The following SPATA6 variants were observed in gnomAD, a reference collection of about 807,000 sequenced individuals.
SPATA6 encodes spermatogenesis-associated protein 6.
In SPATA6, 56 loss-of-function variants were observed where a neutral mutation model predicts 65.3. That is an observed-to-expected ratio of 0.86 (90% CI 0.69 to 1.07). SPATA6 has a LOEUF of 1.07. SPATA6 is among the 50% of genes least tolerant of loss of function. The pLI is 0.00. For missense variants in SPATA6, 590 were observed against 594.8 expected, an observed-to-expected ratio of 0.99 and a Z score of 0.08; for synonymous variants, 199 against 213.2, an observed-to-expected ratio of 0.93 and a Z score of 0.58.
chr1:48,369,126 T>C (rs1483999741), intron 9 of SPATA6, among the ~76,000 whole-genome samples: 3 of 152,190 alleles, frequency 2.0e-5, no homozygotes. Context: ...GAACCGCGAA[T>C]GCTGCTGCCT....
chr1:48,372,431 G>C (rs1647385164), intron 9 of SPATA6, among the ~76,000 whole-genome samples: 2 of 152,190 alleles, frequency 1.3e-5, no homozygotes, highest in Admixed American at 6.5e-5. Context: ...TGCAAGATGT[G>C]GGTTCCCATG....
At chr1:48,428,870 CGTGTGT>C (rs35049845) in intron 3 of SPATA6, among the ~76,000 whole-genome samples, 2,221 of 136,698 alleles carry the variant, frequency 0.016, 55 homozygotes, top group African/African-American at 0.058. Context: ...TATATATACA[CGTGTGT>C]GTGTGTGTGT....
At chr1:48,456,102 C>T (rs1656979052) in intron 1 of SPATA6, among the ~76,000 whole-genome samples, 1 of 152,156 alleles carries the variant, frequency 6.6e-6, no homozygotes, top group Non-Finnish European at 1.5e-5. Flanking sequence ...TCTGGCTGAC[C>T]TTGGGGCTTT....
At chr1:48,268,082 G>A in the SPATA6 span, among the ~76,000 whole-genome samples, 1 of 151,906 alleles carries the variant, frequency 6.6e-6, no homozygotes, top group African/African-American at 2.4e-5. Context: ...CACAGAATGG[G>A]GTACGTGGGG....
chr1:48,299,839 T>C (rs957278459), intron 12 of SPATA6, among the ~76,000 whole-genome samples: 1 of 152,072 alleles, frequency 6.6e-6, no homozygotes, highest in Non-Finnish European at 1.5e-5. Flanking sequence ...AGTGGCAAAA[T>C]GAAAAAGACA....
chr1:48,349,168 T>C (rs1048956986), intron 11 of SPATA6, among the ~76,000 whole-genome samples: 4 of 151,986 alleles, frequency 2.6e-5, no homozygotes, highest in African/African-American at 9.7e-5. Flanking sequence ...AATGATAAAA[T>C]TTTTTTGGTA....
At position 48,359,703 on chromosome 1, in the gene SPATA6, G is replaced by C; in HGVS notation, c.977C>G (p.Pro326Arg). The C allele has an allele frequency of 6.2e-7, 1 of 1,613,620 alleles. No homozygotes were observed. The highest frequency in any genetic ancestry group is 8.5e-7 in the Non-Finnish European group (1 of 1,179,784). Residue 326 changes from proline (P) to arginine (R), a missense_variant, in exon 10 of 13, where the codon CCA becomes CGA. Pro to Arg is a moderately radical substitution (Grantham distance 103). Coordinates refer to ENST00000371847, the MANE Select transcript of SPATA6 (RefSeq NM_019073.4). ...SLEKCEEYLS[P>R]RSCSKPRHSA... ...ATGCCGGGGCTTACTACACGACCTT[G>C]GGCTCAAATACTCTTCACATTTTTC...
At chr1:48,436,631 TC>T (rs1654965006) in intron 3 of SPATA6, 1 of 1,613,982 alleles carries the variant, frequency 6.2e-7, no homozygotes, top group South Asian at 1.1e-5. Flanking sequence ...GTGTATGATT[TC>T]CCACAGTTCA....
At position 48,298,562 on chromosome 1, in the gene SPATA6, A is replaced by T; in HGVS notation, c.*151T>A. On this transcript the variant is annotated 3_prime_UTR_variant, in exon 13 of 13. Coordinates refer to ENST00000371847, the MANE Select transcript of SPATA6 (RefSeq NM_019073.4). Reference sequence around the variant, plus strand: ...TTAAAAGGCTTGCCTATGATAATTTACCATTTGAAGTAATGAACTTATTCA... The same window carrying T: ...TTAAAAGGCTTGCCTATGATAATTTTCCATTTGAAGTAATGAACTTATTCA... 1.5e-6 allele frequency: 1 copy of T among 679,720 alleles called. No individual in the cohort carries two copies. Among genetic ancestry groups the T allele is most frequent in the Non-Finnish European group, 2.3e-6 (1 of 427,854 alleles). The allele number at this position is 679,720 out of a possible 1,614,324, so 42.1% of individuals were successfully genotyped here.
At chr1:48,378,174 G>C (rs767056660) in intron 9 of SPATA6, among the ~76,000 whole-genome samples, 11 of 152,178 alleles carry the variant, frequency 7.2e-5, no homozygotes, top group Non-Finnish European at 1.6e-4. Flanking sequence ...TTACCCCAAT[G>C]AGTTTACCAG....
the SPATA6 span, among the ~76,000 whole-genome samples, chr1:48,285,465 C>T: frequency 7.7e-6 from 1 of 130,574 alleles, no homozygotes; most frequent in Non-Finnish European, 1.6e-5. Context: ...ATTCCAGGTG[C>T]CACTGGGGTA....
the SPATA6 span, among the ~76,000 whole-genome samples, chr1:48,285,018 G>C: frequency 6.6e-6 from 1 of 152,184 alleles, no homozygotes; most frequent in Non-Finnish European, 1.5e-5. Flanking sequence ...GTCTGCTGAA[G>C]CTGCGCCCAC....
At chr1:48,359,319 A>T (rs1272114450) in intron 10 of SPATA6, among the ~76,000 whole-genome samples, 1 of 152,172 alleles carries the variant, frequency 6.6e-6, no homozygotes, top group Non-Finnish European at 1.5e-5. Context: ...AAACACATAT[A>T]TTACTTTTCA....
At chr1:48,261,754 G>T in the SPATA6 span, among the ~76,000 whole-genome samples, 1 of 151,968 alleles carries the variant, frequency 6.6e-6, no homozygotes, top group South Asian at 2.1e-4. Flanking sequence ...TCAATACAAA[G>T]AATTGCAATT....
intron 8 of SPATA6, among the ~76,000 whole-genome samples, chr1:48,385,630 T>A (rs1649385410): frequency 6.6e-6 from 1 of 152,156 alleles, no homozygotes; most frequent in South Asian, 2.1e-4. Context: ...CCAATTTGTG[T>A]CTATGAAATG....
chr1:48,295,070 T>C (rs1644792712), downstream of SPATA6, among the ~76,000 whole-genome samples: 1 of 152,220 alleles, frequency 6.6e-6, no homozygotes, highest in Non-Finnish European at 1.5e-5. Flanking sequence ...AATATATATG[T>C]GATGAATAAA....
At chr1:48,356,544 C>T (rs201782620) in intron 10 of SPATA6, among the ~76,000 whole-genome samples, 11 of 134,974 alleles carry the variant, frequency 8.1e-5, no homozygotes, top group East Asian at 4.3e-4. Context: ...CACGGAGTCT[C>T]GCTCTGTCAC....
chr1:48,372,843 G>A (rs1398764233), intron 9 of SPATA6, among the ~76,000 whole-genome samples: 3 of 152,210 alleles, frequency 2.0e-5, no homozygotes, highest in Non-Finnish European at 2.9e-5. Context: ...TCTGAAGCCA[G>A]AGCCCAACCT....
At chr1:48,346,443 T>C (rs1646368116) in intron 11 of SPATA6, among the ~76,000 whole-genome samples, 1 of 152,056 alleles carries the variant, frequency 6.6e-6, no homozygotes, top group South Asian at 2.1e-4. Context: ...CTCATCACTC[T>C]TATTCAACAT....
Sources: gnomAD v4.1 joint callset for allele counts (sites outside exome capture counted in the v4.1 genomes callset) on GRCh38, gnomAD v4.1.1 for gene constraint, MANE v1.5 for transcripts, NCBI Gene and HGNC (gene_info 2026-07-23, HGNC 2026-07-21) for gene names.